The following DCAF13 variants were observed in gnomAD, a reference collection of about 807,000 sequenced individuals.
DCAF13 encodes the protein DDB1- and CUL4-associated factor 13.
DCAF13 carries 38 observed loss-of-function variants against 59.0 expected under a neutral mutation model. That is an observed-to-expected ratio of 0.64 (90% CI 0.50 to 0.84). The LOEUF is 0.84. Ranked by LOEUF, DCAF13 falls within the 40% of genes least tolerant of loss-of-function variation. The pLI, the probability that DCAF13 is intolerant of heterozygous loss-of-function variation, is 0.00. For missense variants in DCAF13, 469 were observed against 558.4 expected, an observed-to-expected ratio of 0.84 and a Z score of 1.61; for synonymous variants, 173 against 175.0, an observed-to-expected ratio of 0.99 and a Z score of 0.09.
Position 103,435,748 on chromosome 8 carries a change from A to G in DCAF13, c.908A>G (p.Asp303Gly), listed in dbSNP as rs141131174. ...TGKEFVSASF[D>G]KSIRIFPVDK... The stretch of plus-strand genomic sequence containing the variant: ...AAGGAGTTTGTGTCTGCTAGTTTCG[A>G]TAAATCTATTCGAATCTTTCCTGTA... Residue 303 changes from aspartate (D) to glycine (G), a missense_variant, in exon 8 of 11, where the codon GAT (aspartate) becomes GGT (glycine). Asp to Gly is a moderately conservative substitution (Grantham distance 94, BLOSUM62 -1). This residue lies in a region of DCAF13 where 355 missense variants were observed against 399.1 expected (regional missense o/e 0.89). Coordinates refer to ENST00000612750, the MANE Select transcript of DCAF13 (RefSeq NM_015420.7). 74 of 1,613,762 alleles carry G rather than the reference A, an allele frequency of 4.6e-5. No homozygotes were observed. In the Admixed American group the frequency reaches 4.7e-4, roughly 10 times the overall value.
In DCAF13 at chr8:103,443,043, G is replaced by A. The variant is rs912873567; in HGVS notation, c.*161G>A. On this transcript the variant is annotated 3_prime_UTR_variant, in exon 11 of 11. Transcript: ENST00000612750. The stretch of plus-strand genomic sequence containing the variant: ...GCTACCCTGAAAAATGATCCTTAAA[G>A]GTGGCCTAGTTGGTAAGACTGTTTT... 2.0e-6 allele frequency: 1 copy of A among 503,780 alleles called. No individual in the cohort carries two copies. The highest frequency in any genetic ancestry group is 2.0e-5 in the African/African-American group (1 of 50,428). 31.2% of individuals were successfully genotyped at this position (503,780 alleles called of 1,614,324 possible).
chr8:103,430,738 TCTC>T, intron 6 of DCAF13, 49 bp downstream of exon 6: 1 of 1,339,976 alleles, frequency 7.5e-7, no homozygotes, highest in Non-Finnish European at 1.0e-6. Context: ...ATTATATATT[TCTC>T]TGTAAATAGA....
chr8:103,423,322 A>G (rs1384708315), intron 3 of DCAF13, among the ~76,000 whole-genome samples: 1 of 150,820 alleles, frequency 6.6e-6, no homozygotes, highest in Non-Finnish European at 1.5e-5. Context: ...TGGATGAATG[A>G]ATTTTAAAAA....
intron 5 of DCAF13, chr8:103,428,314 A>T (rs1326932387): frequency 6.6e-6 from 1 of 152,184 alleles, no homozygotes; most frequent in Non-Finnish European, 1.5e-5. Flanking sequence ...TGTGAGCCAC[A>T]TGTGGCCCAC....
At chr8:103,428,470 C>T (rs1816822108) in intron 5 of DCAF13, 1 of 151,824 alleles carries the variant, frequency 6.6e-6, no homozygotes, top group Non-Finnish European at 1.5e-5. Context: ...AATACTTACT[C>T]TCTGGCCCTT....
intron 3 of DCAF13, among the ~76,000 whole-genome samples, chr8:103,424,192 T>A (rs924931976): frequency 6.6e-6 from 1 of 152,016 alleles, no homozygotes; most frequent in African/African-American, 2.4e-5. Flanking sequence ...CTAATTTTTT[T>A]ATTTATTTTT....
At chr8:103,424,804 C>T (rs1307880066) in intron 3 of DCAF13, among the ~76,000 whole-genome samples, 1 of 152,164 alleles carries the variant, frequency 6.6e-6, no homozygotes, top group Non-Finnish European at 1.5e-5. Flanking sequence ...TCAGTCAAGA[C>T]CTGGTACCTA....
chr8:103,432,623 A>C, intron 6 of DCAF13, 36 bp from the exon 7 acceptor site: 2 of 1,329,606 alleles, frequency 1.5e-6, no homozygotes, highest in Non-Finnish European at 2.2e-6. Flanking sequence ...AGAAAAGGAA[A>C]GGAAGTGGGA....
At chr8:103,435,529 G>A in intron 7 of DCAF13, 97 bp from the exon 8 acceptor site, 1 of 1,051,734 alleles carries the variant, frequency 9.5e-7, no homozygotes, top group Non-Finnish European at 1.3e-6. Context: ...GATGTGCATT[G>A]TTTTGCAAAT....
chr8:103,421,239 C>A, intron 3 of DCAF13, 157 bp downstream of exon 3: 5 of 673,136 alleles, frequency 7.4e-6, no homozygotes, highest in Admixed American at 2.2e-5. Context: ...TACTAGTTTT[C>A]TTTATATAAT....
chr8:103,442,136 T>C (rs1051124378), intron 10 of DCAF13: 3 of 152,302 alleles, frequency 2.0e-5, no homozygotes, highest in Non-Finnish European at 4.4e-5. Context: ...GAACTTCCAT[T>C]ACCTGTTTTT....
chr8:103,432,918 A>T (rs1309380007), intron 7 of DCAF13, among the ~76,000 whole-genome samples, 177 bp downstream of exon 7: 1 of 152,148 alleles, frequency 6.6e-6, no homozygotes, highest in Non-Finnish European at 1.5e-5. Flanking sequence ...AAAAGTATTT[A>T]TTTCGTCAGT....
intron 6 of DCAF13, 81 bp downstream of exon 6, chr8:103,430,770 C>G (rs1466098604): frequency 4.1e-6 from 4 of 976,170 alleles, no homozygotes; most frequent in Non-Finnish European, 6.1e-6. Flanking sequence ...CAATATGGAG[C>G]AAATATTTTC....
chr8:103,442,694 G>A, intron 10 of DCAF13, 101 bp from the exon 11 acceptor site: 1 of 664,770 alleles, frequency 1.5e-6, no homozygotes, highest in Non-Finnish European at 2.4e-6. Flanking sequence ...TTTTTAAATA[G>A]GTGTTTTTCT....
In DCAF13 at chr8:103,440,218, GATGAA is replaced by G. The variant is rs769461152; in HGVS notation, c.1039_1043del (p.Met347HisfsTer7). 8.1e-6 allele frequency: 13 copies of G among 1,601,570 alleles called. No homozygotes were observed. Among genetic ancestry groups the G allele is most frequent in the East Asian group, 4.6e-5 (2 of 43,820 alleles). ...CAGCAAGTATATTATGTGTGGATCTGATGAAATGAACATTCGCCTGTGGAAAGCTA... is the reference window on the plus strand; with the variant it reads ...CAGCAAGTATATTATGTGTGGATCTGATGAACATTCGCCTGTGGAAAGCTA... On this transcript the variant is annotated frameshift_variant, in exon 9 of 11. Coordinates refer to ENST00000612750, the MANE Select transcript of DCAF13 (RefSeq NM_015420.7). LOFTEE classifies it high-confidence loss of function.
intron 1 of DCAF13, among the ~76,000 whole-genome samples, chr8:103,418,839 T>TAA (rs1816666418): frequency 4.3e-4 from 6 of 13,860 alleles, no homozygotes; most frequent in African/African-American, 2.5e-3. Context: ...TATATATATA[T>TAA]ATATATATAT....
chr8:103,420,479 G>A lies in DCAF13; in HGVS notation c.270+16G>A, dbSNP rs750960048. 65 of 1,590,562 alleles carry A rather than the reference G, an allele frequency of 4.1e-5. No individual in the cohort carries two copies. Among genetic ancestry groups the A allele is most frequent in the Middle Eastern group, 1.7e-4 (1 of 6,042 alleles). On this transcript the variant is annotated intron_variant, in intron 2 of 10. Transcript: ENST00000612750. ...TGATGGAGAGGCAAGTGTCAATCTA[G>A]ATGATATTTTCAACTAAAAGTAGTT... is the stretch of plus-strand genomic sequence containing the variant.
At chr8:103,439,945 T>A (rs1720643190) in intron 8 of DCAF13, 191 bp from the exon 9 acceptor site, 1 of 364,260 alleles carries the variant, frequency 2.7e-6, no homozygotes, top group Admixed American at 4.7e-5. Flanking sequence ...GAGCAGAAAT[T>A]TGTTTACTAC....
At chr8:103,432,605 T>G in intron 6 of DCAF13, 54 bp from the exon 7 acceptor site, 1 of 1,133,942 alleles carries the variant, frequency 8.8e-7, no homozygotes, top group Admixed American at 1.8e-5. Flanking sequence ...CTTAAATCAG[T>G]GGGGAAAAGA....
Sources: allele counts gnomAD v4.1 joint callset (sites outside exome capture counted in the v4.1 genomes callset), GRCh38; gene constraint gnomAD v4.1.1; regional missense constraint gnomAD v4.1.1; transcripts MANE v1.5; gene names NCBI Gene and HGNC (gene_info 2026-07-23, HGNC 2026-07-21).